The following CHIA variants were observed in gnomAD, a reference collection of about 807,000 sequenced individuals.
CHIA encodes acidic mammalian chitinase.
CHIA carries 47 observed loss-of-function variants against 53.5 expected under a neutral mutation model. The ratio of observed to expected loss-of-function variants is 0.88; its 90% confidence interval spans 0.70 to 1.12. The LOEUF is 1.12. Ranked by LOEUF, CHIA falls within the 50% of genes most tolerant of loss-of-function variation. The pLI is 0.00. For missense variants in CHIA, 652 were observed against 592.2 expected (o/e 1.10, Z -1.05); for synonymous variants, 268 against 222.2 (o/e 1.21, Z -1.83).
rs374240015 is a variant in CHIA, at chr1:111,319,319, T to G, written c.1036-8T>G. 2.0e-5 allele frequency: 33 copies of G among 1,614,064 alleles called. No homozygotes were observed. Among genetic ancestry groups the G allele is most frequent in the Non-Finnish European group, 2.5e-5 (30 of 1,180,028 alleles). ...AAGTGATTCCTGTTATCCTCTTTCTTTAAACAGGCTCAATGGCTTAAGCAC... is the reference window on the plus strand; with the variant it reads ...AAGTGATTCCTGTTATCCTCTTTCTGTAAACAGGCTCAATGGCTTAAGCAC... On this transcript the variant is annotated splice_polypyrimidine_tract_variant and splice_region_variant and intron_variant, in intron 10 of 11. Coordinates refer to ENST00000369740, the MANE Select transcript of CHIA (RefSeq NM_201653.4).
intron 1 of CHIA, among the ~76,000 whole-genome samples, chr1:111,297,401 A>T (rs1459575566): frequency 1.3e-5 from 2 of 152,240 alleles, no homozygotes; most frequent in Admixed American, 1.3e-4. Flanking sequence ...ACAAGCCAGA[A>T]GAGAGTGAGG....
At chr1:111,317,901 G>C (rs1649295056) in intron 7 of CHIA, 85 bp from the exon 8 acceptor site, 1 of 1,610,190 alleles carries the variant, frequency 6.2e-7, no homozygotes, top group African/African-American at 1.3e-5. Context: ...ACCTTGTTTA[G>C]GAGACTTTAG....
rs201091061 is a variant in CHIA at position 111,318,112 on chromosome 1, G to A, written c.729+3G>A. The A allele has an allele frequency of 9.3e-6, 15 of 1,609,936 alleles. No homozygotes were observed. The highest frequency in any genetic ancestry group is 3.3e-5 in the Admixed American group (2 of 59,996). On this transcript the variant is annotated splice_donor_region_variant and intron_variant, in intron 8 of 11. Transcript: ENST00000369740. ...GCAGCAACGCCTACCTCAATGTGGTGAGTCCCTGTACAGATGCAAGAGCAG... is the reference window on the plus strand; with the variant it reads ...GCAGCAACGCCTACCTCAATGTGGTAAGTCCCTGTACAGATGCAAGAGCAG...
Position 111,315,470 on chromosome 1 carries a change from G to T in CHIA, c.480+35G>T, listed in dbSNP as rs750109172. 2.5e-6 allele frequency: 4 copies of T among 1,592,520 alleles called. No homozygotes were observed. In the Admixed American group the frequency reaches 7.1e-5, roughly 28 times the overall value. ...GAAGTCCCAGTCTTTAGCCCAAAAA[G>T]ATTCAAAGTCTTTCTTTCCGAGGAG... On this transcript the variant is annotated intron_variant, in intron 6 of 11. Transcript: ENST00000369740.
chr1:111,319,838 A>C (rs1052371305), intron 11 of CHIA, among the ~76,000 whole-genome samples: 1 of 152,146 alleles, frequency 6.6e-6, no homozygotes, highest in African/African-American at 2.4e-5. Context: ...CATATCTCTA[A>C]TCAGTGATTC....
Position 111,319,366 on chromosome 1 carries a change from G to T in CHIA, c.1075G>T (p.Val359Phe), listed in dbSNP as rs912188371. The change falls in exon 11 of 12, where the codon GTC becomes TTC. Residue 359 changes from valine to phenylalanine, a missense_variant. Physicochemically the swap from Val to Phe is conservative, Grantham distance 50. Transcript: ENST00000369740. ...GCACAACAAATTTGGAGGCGCCATG[G>T]TCTGGGCCATTGATCTGGATGACTT... The part of the protein sequence containing the change: ...LKHNKFGGAM[V>F]WAIDLDDFTG... The T allele has an allele frequency of 6.2e-7, 1 of 1,614,072 alleles. No homozygotes were observed. The highest frequency in any genetic ancestry group is 1.3e-5 in the African/African-American group (1 of 74,906).
rs537270977 is a variant in CHIA, at chr1:111,315,027, A to G, written c.315-243A>G. Reference sequence around the variant, plus strand: ...TGCTGGGTTTGCCAGGTATCCAAAGAAACAAGGGCAACTTGGGAGAAAGAG... The same window carrying G: ...TGCTGGGTTTGCCAGGTATCCAAAGGAACAAGGGCAACTTGGGAGAAAGAG... On this transcript the variant is annotated intron_variant, in intron 5 of 11. Transcript: ENST00000369740. 8 of 463,494 alleles carry G rather than the reference A, an allele frequency of 1.7e-5. No homozygotes were observed. In the East Asian group the frequency reaches 2.9e-4, roughly 17 times the overall value. The allele number at this position is 463,494 out of a possible 1,614,324, so 28.7% of individuals were successfully genotyped here. A position where few individuals can be genotyped will look rare whatever the true frequency, so the allele number is the denominator to read the frequency against.
chr1:111,301,753 A>G (rs1452019123), intron 1 of CHIA, among the ~76,000 whole-genome samples: 1 of 151,746 alleles, frequency 6.6e-6, no homozygotes, highest in Non-Finnish European at 1.5e-5. Context: ...TTGCAGGGAC[A>G]TGGATGAAGC....
At chr1:111,317,512 T>C (rs907759101) in intron 6 of CHIA, 169 bp from the exon 7 acceptor site, 1 of 691,146 alleles carries the variant, frequency 1.4e-6, no homozygotes, top group East Asian at 3.0e-5. Context: ...AATTCAATAA[T>C]ATTATCTATC....
chr1:111,304,204 T>C (rs1647993786), intron 1 of CHIA, among the ~76,000 whole-genome samples: 1 of 152,206 alleles, frequency 6.6e-6, no homozygotes, highest in African/African-American at 2.4e-5. Context: ...TTATATTGTG[T>C]CTTGCGTGGA....
intron 1 of CHIA, among the ~76,000 whole-genome samples, chr1:111,303,579 AT>A (rs1647937216): frequency 1.3e-5 from 2 of 152,054 alleles, no homozygotes; most frequent in South Asian, 4.1e-4. Flanking sequence ...TAACATTCTA[AT>A]TTGAATTTAC....
intron 1 of CHIA, among the ~76,000 whole-genome samples, chr1:111,300,242 A>G (rs141945510): frequency 6.6e-6 from 1 of 152,190 alleles, no homozygotes; most frequent in Non-Finnish European, 1.5e-5. Flanking sequence ...TTTAAAGTTC[A>G]TATGGAACCA....
Position 111,319,316 on chromosome 1 carries a change from T to C in CHIA, c.1036-11T>C, listed in dbSNP as rs1649451381. 6.2e-7 allele frequency: 1 copy of C among 1,614,076 alleles called. No homozygotes were observed. Among genetic ancestry groups the C allele is most frequent in the African/African-American group, 1.3e-5 (1 of 74,920 alleles). ...AGCAAGTGATTCCTGTTATCCTCTT[T>C]CTTTAAACAGGCTCAATGGCTTAAG... is the stretch of plus-strand genomic sequence containing the variant. On this transcript the variant is annotated splice_polypyrimidine_tract_variant and intron_variant, in intron 10 of 11. Coordinates refer to ENST00000369740, the MANE Select transcript of CHIA (RefSeq NM_201653.4).
At position 111,294,356 on chromosome 1, in the gene CHIA, T is replaced by C. The variant is rs536226665; in HGVS notation, c.-69+3406T>C. On this transcript the variant is annotated intron_variant, in intron 1 of 11. Transcript: ENST00000369740. ...ATTATTTTTATAATTTTTCTTTTTT[T>C]ATTCTCTTTGTTAGTTTATAAAAAT... is the stretch of plus-strand genomic sequence containing the variant. Among the ~76,000 whole-genome samples the C allele has an allele frequency of 5.9e-5, 9 of 152,352 alleles. No homozygotes were observed. In the East Asian group the frequency reaches 1.7e-3, roughly 29 times the overall value.
intron 1 of CHIA, among the ~76,000 whole-genome samples, chr1:111,298,048 C>A (rs1010719703): frequency 6.6e-6 from 1 of 152,090 alleles, no homozygotes; most frequent in East Asian, 1.9e-4. Context: ...AGCTAACTAT[C>A]CTAAATATAT....
chr1:111,319,270 C>A (rs764439541), intron 10 of CHIA, 31 bp downstream of exon 10: 2 of 1,614,074 alleles, frequency 1.2e-6, no homozygotes, highest in East Asian at 4.5e-5. Context: ...GTGCTGAGGT[C>A]CCAGCCCTGA....
At chr1:111,318,449 T>G (rs1649354089) in intron 8 of CHIA, 44 bp from the exon 9 acceptor site, 1 of 1,526,588 alleles carries the variant, frequency 6.6e-7, no homozygotes, top group Non-Finnish European at 9.0e-7. Flanking sequence ...AAGTACTGGG[T>G]CCTCAGCTGG....
chr1:111,314,618 T>A (rs776205309), intron 5 of CHIA, 22 bp downstream of exon 5: 4 of 1,597,538 alleles, frequency 2.5e-6, no homozygotes, highest in Non-Finnish European at 2.6e-6. Context: ...ATGGAGAGCA[T>A]GTTGTTCGTT....
chr1:111,302,738 G>A (rs1647861384), intron 1 of CHIA, among the ~76,000 whole-genome samples: 1 of 152,092 alleles, frequency 6.6e-6, no homozygotes, highest in Non-Finnish European at 1.5e-5. Flanking sequence ...GTTAGGTAGA[G>A]TATTCTGTAT....
Sources: gnomAD v4.1 joint callset for allele counts (sites outside exome capture counted in the v4.1 genomes callset) on GRCh38, gnomAD v4.1.1 for gene constraint, MANE v1.5 for transcripts, NCBI Gene and HGNC (gene_info 2026-07-23, HGNC 2026-07-21) for gene names.